The following CCDC88A variants were observed in gnomAD, a reference collection of about 807,000 sequenced individuals.
CCDC88A encodes girdin.
In CCDC88A, 54 loss-of-function variants were observed where a neutral mutation model predicts 234.3. The observed-to-expected ratio is 0.23, with a 90% CI of 0.19 to 0.29. The LOEUF (loss-of-function observed/expected upper bound fraction) is 0.29. CCDC88A is among the 10% of genes least tolerant of loss of function. CCDC88A has a pLI of 1.00. For missense variants in CCDC88A, 1,832 were observed against 2,123.4 expected, an observed-to-expected ratio of 0.86 and a Z score of 2.70; for synonymous variants, 753 against 737.8, an observed-to-expected ratio of 1.02 and a Z score of -0.33.
At chr2:55,294,802 TGAA>T in intron 31 of CCDC88A, 1 of 1,008,640 alleles carries the variant, frequency 9.9e-7, no homozygotes, top group Non-Finnish European at 1.2e-6. Context: ...ACAAAAAATG[TGAA>T]GGAGGAGCAT....
intron 4 of CCDC88A, among the ~76,000 whole-genome samples, chr2:55,373,347 T>C (rs772373159): frequency 3.3e-5 from 5 of 152,164 alleles, no homozygotes; most frequent in Non-Finnish European, 7.4e-5. Flanking sequence ...TCTGTCCTCC[T>C]TCCCCAACCT....
At chr2:55,394,931 C>T (rs1677282302) in intron 2 of CCDC88A, among the ~76,000 whole-genome samples, 1 of 152,002 alleles carries the variant, frequency 6.6e-6, no homozygotes, top group Non-Finnish European at 1.5e-5. Flanking sequence ...CTGCAACCTC[C>T]ACCTTCTGGG....
At chr2:55,357,418 T>G (rs977036163) in intron 7 of CCDC88A, among the ~76,000 whole-genome samples, 1 of 147,188 alleles carries the variant, frequency 6.8e-6, no homozygotes, top group Admixed American at 6.8e-5. Flanking sequence ...TTCTTTCCCC[T>G]CCATGGGACA....
At chr2:55,392,905 T>C (rs1475115130) in intron 2 of CCDC88A, among the ~76,000 whole-genome samples, 1 of 152,212 alleles carries the variant, frequency 6.6e-6, no homozygotes, top group Non-Finnish European at 1.5e-5. Flanking sequence ...CTTGTTTTAC[T>C]ATAGCTTATT....
intron 29 of CCDC88A, among the ~76,000 whole-genome samples, chr2:55,299,081 G>A (rs1680565295): frequency 6.6e-6 from 1 of 152,002 alleles, no homozygotes; most frequent in Non-Finnish European, 1.5e-5. Flanking sequence ...GTTGGCACCT[G>A]CCGTTCCAGC....
chr2:55,295,253 C>G, intron 31 of CCDC88A: 1 of 1,357,026 alleles, frequency 7.4e-7, no homozygotes, highest in Admixed American at 2.2e-5. Context: ...CAGGTTTATC[C>G]AAAGAGGCAG....
At chr2:55,386,937 G>T (rs1386570910) in intron 3 of CCDC88A, among the ~76,000 whole-genome samples, 1 of 151,524 alleles carries the variant, frequency 6.6e-6, no homozygotes, top group Non-Finnish European at 1.5e-5. Context: ...CATTTTGGGA[G>T]GCCGAGGCGG....
rs1682935012 is a variant in CCDC88A at position 55,315,973 on chromosome 2, G to A, written c.3888C>T (p.Tyr1296=). Residue 1296 remains tyrosine, a synonymous_variant, in exon 22 of 33, where the codon TAC becomes TAT. Transcript: ENST00000436346. Reference sequence around the variant, plus strand: ...TGGTTGATGTAATATCCAATTGTTGGTATTGTTCCTTTAGTTTTGAAAATT... The same window carrying A: ...TGGTTGATGTAATATCCAATTGTTGATATTGTTCCTTTAGTTTTGAAAATT... ...EAEFSKLKEQ[Y]QQLDITSTKL... The A allele has an allele frequency of 1.3e-6, 2 of 1,590,024 alleles. No homozygotes were observed. Among genetic ancestry groups the A allele is most frequent in the Non-Finnish European group, 1.7e-6 (2 of 1,169,812 alleles).
intron 27 of CCDC88A, 111 bp from the exon 28 acceptor site, chr2:55,301,388 T>G: frequency 3.5e-6 from 2 of 574,472 alleles, no homozygotes. Context: ...ATAATACAGA[T>G]TGACTTAACA....
chr2:55,408,301 T>C (rs1208409106), intron 2 of CCDC88A, among the ~76,000 whole-genome samples: 1 of 152,022 alleles, frequency 6.6e-6, no homozygotes, highest in Non-Finnish European at 1.5e-5. Flanking sequence ...TCATTCTTAT[T>C]ACAACTCTCA....
At position 55,295,731 on chromosome 2, in the gene CCDC88A, C is replaced by G. The variant is rs759265232; in HGVS notation, c.5417G>C (p.Ser1806Thr). Reference protein sequence around the residue: ...SNPYATLPRASSVISTAEGTT... With the variant: ...SNPYATLPRATSVISTAEGTT... ...TCCTTCGGCAGTTGAGATCACGCTG[C>G]TTGCACGAGGTAAAGTTGCATAAGG... is the stretch of plus-strand genomic sequence containing the variant. The change falls in exon 31 of 33, where the codon AGC becomes ACC. Residue 1806 changes from serine to threonine, a missense_variant. Ser to Thr is a moderately conservative substitution (Grantham distance 58). Coordinates refer to ENST00000436346, the MANE Select transcript of CCDC88A (RefSeq NM_001365480.1). 1.2e-6 allele frequency: 2 copies of G among 1,614,158 alleles called. No individual in the cohort carries two copies. The highest frequency in any genetic ancestry group is 8.5e-7 in the Non-Finnish European group (1 of 1,180,026).
At chr2:55,391,171 A>T (rs2198575) in intron 2 of CCDC88A, among the ~76,000 whole-genome samples, 1 of 152,004 alleles carries the variant, frequency 6.6e-6, no homozygotes, top group Non-Finnish European at 1.5e-5. Flanking sequence ...GAACATCCAG[A>T]ACATACAGCA....
chr2:55,391,156 T>C (rs1370922609), intron 2 of CCDC88A, among the ~76,000 whole-genome samples: 2 of 152,188 alleles, frequency 1.3e-5, no homozygotes, highest in Non-Finnish European at 2.9e-5. Context: ...TGGAGTAGAC[T>C]TAATGAACAT....
chr2:55,374,775 G>A, intron 4 of CCDC88A, 39 bp downstream of exon 4: 1 of 1,240,538 alleles, frequency 8.1e-7, no homozygotes, highest in Non-Finnish European at 1.2e-6. Flanking sequence ...ATTACACAAA[G>A]GTTAGACATT....
chr2:55,378,910 C>T (rs7557555), intron 3 of CCDC88A, among the ~76,000 whole-genome samples: 130,631 of 151,976 alleles, frequency 0.86, 56,572 homozygotes, highest in Admixed American at 0.93. Context: ...CACATCCAGC[C>T]AATTTTTGTA....
intron 2 of CCDC88A, chr2:55,403,590 GC>G (rs1442509931): frequency 1.1e-4 from 16 of 152,174 alleles, no homozygotes; most frequent in Admixed American, 4.6e-4. Flanking sequence ...AGCAACACAC[GC>G]ATAAAAAGGC....
In CCDC88A at chr2:55,419,530, T is replaced by A; in HGVS notation, c.-451A>T. 6.3e-6 allele frequency: 1 copy of A among 159,896 alleles called. No individual in the cohort carries two copies. Among genetic ancestry groups the A allele is most frequent in the Non-Finnish European group, 1.4e-5 (1 of 73,216 alleles). The allele number at this position is 159,896 out of a possible 1,614,324, so 9.9% of individuals were successfully genotyped here. Reference sequence around the variant, plus strand: ...TAAGGATACCGAGGCGCCACCAGACTCGACCTCGGCGTTCCGACCTCTACA... The same window carrying A: ...TAAGGATACCGAGGCGCCACCAGACACGACCTCGGCGTTCCGACCTCTACA... On this transcript the variant is annotated 5_prime_UTR_variant, in exon 1 of 33. Transcript: ENST00000436346.
intron 17 of CCDC88A, among the ~76,000 whole-genome samples, chr2:55,327,242 A>C (rs746384612): frequency 6.6e-6 from 1 of 152,220 alleles, no homozygotes; most frequent in Non-Finnish European, 1.5e-5. Context: ...ATTCTATGTT[A>C]CTAGATAATA....
intron 8 of CCDC88A, among the ~76,000 whole-genome samples, chr2:55,352,327 G>T (rs1287496423): frequency 6.6e-6 from 1 of 151,956 alleles, no homozygotes; most frequent in Non-Finnish European, 1.5e-5. Context: ...CTACTCAGGA[G>T]GCTGAGGCAG....
Sources: gnomAD v4.1 joint callset for allele counts (sites outside exome capture counted in the v4.1 genomes callset) on GRCh38, gnomAD v4.1.1 for gene constraint, MANE v1.5 for transcripts, NCBI Gene and HGNC (gene_info 2026-07-23, HGNC 2026-07-21) for gene names.